Variants in CAST observed in about 807,000 individuals in gnomAD.
The protein encoded by CAST is MIR583 host.
Under a neutral mutation model 119.6 loss-of-function variants are expected in CAST, and 76 were observed. The observed-to-expected ratio is 0.64, with a 90% CI of 0.53 to 0.77. The LOEUF (loss-of-function observed/expected upper bound fraction) is 0.77. CAST is among the 30% of genes least tolerant of loss of function. The pLI, the probability that CAST is intolerant of heterozygous loss-of-function variation, is 0.00. For synonymous variants in CAST, 319 were observed against 331.6 expected, an observed-to-expected ratio of 0.96 and a Z score of 0.41; for missense variants, 953 against 946.5, an observed-to-expected ratio of 1.01 and a Z score of -0.09.
In CAST at chr5:96,631,080, C is replaced by T. The variant is rs1254271728; in HGVS notation, c.61-44459C>T. ...CACAGGAGCCTTCCTTTCTTAAAGA[C>T]TCAATGTAAGCATCTCCTCCTTTTT... On this transcript the variant is annotated intron_variant, in intron 1 of 11. Transcript: ENST00000505143. The T allele has an allele frequency of 3.6e-5, 5 of 140,678 alleles. 1 individual carries two copies. The highest frequency in any genetic ancestry group is 6.4e-5 in the Non-Finnish European group (4 of 62,504). The allele number at this position is 140,678 out of a possible 1,614,324, so 8.7% of individuals were successfully genotyped here. A position where few individuals can be genotyped will look rare whatever the true frequency, so the allele number is the denominator to read the frequency against.
the CAST span, among the ~76,000 whole-genome samples, chr5:96,084,838 G>A: frequency 4.6e-5 from 7 of 152,192 alleles, no homozygotes; most frequent in Admixed American, 4.6e-4. Flanking sequence ...TGTACCTGAA[G>A]TGGGTGGTCC....
At chr5:96,030,534 G>A in the CAST span, among the ~76,000 whole-genome samples, 1 of 152,170 alleles carries the variant, frequency 6.6e-6, no homozygotes, top group Non-Finnish European at 1.5e-5. Context: ...AAAGCTGGGA[G>A]TTAGGCTGTA....
At chr5:96,272,161 G>A in the CAST span, among the ~76,000 whole-genome samples, 5 of 152,094 alleles carry the variant, frequency 3.3e-5, no homozygotes. Flanking sequence ...TTGTTGGTGG[G>A]AATGTGAATT....
the CAST span, among the ~76,000 whole-genome samples, chr5:96,513,824 C>T: frequency 1.3e-5 from 2 of 152,186 alleles, no homozygotes; most frequent in African/African-American, 2.4e-5. Flanking sequence ...TATTTATTCT[C>T]TCGCCGTCCT....
the CAST span, among the ~76,000 whole-genome samples, chr5:96,147,627 A>T: frequency 6.6e-6 from 1 of 152,060 alleles, no homozygotes; most frequent in Non-Finnish European, 1.5e-5. Context: ...ACAAAACAAA[A>T]CAAAACAAAA....
At chr5:96,193,730 G>A in the CAST span, among the ~76,000 whole-genome samples, 1 of 152,166 alleles carries the variant, frequency 6.6e-6, no homozygotes, top group Non-Finnish European at 1.5e-5. Context: ...TTCAGGTGAA[G>A]CTAGATCGTT....
the CAST span, among the ~76,000 whole-genome samples, chr5:96,290,003 T>G: frequency 6.6e-6 from 1 of 152,188 alleles, no homozygotes; most frequent in Non-Finnish European, 1.5e-5. Context: ...ATTGTTTTGT[T>G]TTATATAGAT....
At chr5:96,509,809 C>T in the CAST span, among the ~76,000 whole-genome samples, 4 of 152,080 alleles carry the variant, frequency 2.6e-5, no homozygotes, top group African/African-American at 7.2e-5. Flanking sequence ...GTATTTGTAC[C>T]GTTGTCTAAC....
chr5:96,221,996 C>T, the CAST span, among the ~76,000 whole-genome samples: 3 of 152,106 alleles, frequency 2.0e-5, no homozygotes, highest in Admixed American at 1.3e-4. Flanking sequence ...GTGCCAAGAA[C>T]ATACACTGGG....
the CAST span, among the ~76,000 whole-genome samples, chr5:96,179,765 G>A: frequency 1.7e-4 from 26 of 152,170 alleles, no homozygotes; most frequent in African/African-American, 5.6e-4. Context: ...GGCCGGGCGC[G>A]GTGGCTCACA....
At chr5:96,400,936 A>C in the CAST span, among the ~76,000 whole-genome samples, 714 of 150,588 alleles carry the variant, frequency 4.7e-3, 6 homozygotes, top group Non-Finnish European at 5.2e-3. Context: ...AAATACAAAA[A>C]ATTAGCCGGG....
intron 1 of CAST, among the ~76,000 whole-genome samples, chr5:96,666,705 C>G (rs942781691): frequency 9.2e-5 from 14 of 152,224 alleles, no homozygotes; most frequent in Non-Finnish European, 1.8e-4. Flanking sequence ...GTGTATAAGC[C>G]TTTTAAACCA....
chr5:96,693,723 C>T (rs905500530), intron 2 of CAST, among the ~76,000 whole-genome samples: 16 of 152,184 alleles, frequency 1.1e-4, no homozygotes, highest in Admixed American at 7.9e-4. Context: ...TTGTCAGAAG[C>T]TATTTGTTAT....
the CAST span, among the ~76,000 whole-genome samples, chr5:96,425,060 GAAA>G: frequency 5.2e-4 from 66 of 126,610 alleles, no homozygotes; most frequent in East Asian, 6.3e-3. Flanking sequence ...AAGAAAGAAA[GAAA>G]GAAAGAAAGA....
the CAST span, among the ~76,000 whole-genome samples, chr5:96,369,919 ATG>A: frequency 1.0e-3 from 154 of 152,166 alleles, 3 homozygotes; most frequent in South Asian, 0.032. Flanking sequence ...TGTATCCCCA[ATG>A]TCTGACAGCT....
chr5:96,419,432 T>TCTCC, the CAST span, among the ~76,000 whole-genome samples: 1 of 148,454 alleles, frequency 6.7e-6, no homozygotes, highest in Non-Finnish European at 1.5e-5. Flanking sequence ...TCTCTCTCTC[T>TCTCC]CTCCCTCTCT....
intron 2 of CAST, among the ~76,000 whole-genome samples, chr5:96,683,967 G>T (rs1361524329): frequency 6.6e-6 from 1 of 152,192 alleles, no homozygotes; most frequent in Non-Finnish European, 1.5e-5. Context: ...CTCATCTGTT[G>T]TGAAAGCTTT....
At chr5:95,974,146 G>A in the CAST span, among the ~76,000 whole-genome samples, 1 of 152,146 alleles carries the variant, frequency 6.6e-6, no homozygotes, top group Non-Finnish European at 1.5e-5. Context: ...CTCTGACCAA[G>A]CTGCCTGGAC....
upstream of CAST, among the ~76,000 whole-genome samples, chr5:96,529,295 A>T (rs553688591): frequency 1.3e-5 from 2 of 152,184 alleles, no homozygotes; most frequent in Non-Finnish European, 2.9e-5. Flanking sequence ...GTCATTCAGG[A>T]AGTGATAAAT....
Sources: gnomAD v4.1 joint callset for allele counts (sites outside exome capture counted in the v4.1 genomes callset) on GRCh38, gnomAD v4.1.1 for gene constraint, MANE v1.5 for transcripts, NCBI Gene and HGNC (gene_info 2026-07-23, HGNC 2026-07-21) for gene names.